The following ANK3 variants were observed in gnomAD, a reference collection of about 807,000 sequenced individuals.
The protein encoded by ANK3 is ankyrin-3.
ANK3 carries 57 observed loss-of-function variants against 370.9 expected under a neutral mutation model. The observed-to-expected ratio is 0.15, with a 90% CI of 0.12 to 0.19. The LOEUF (loss-of-function observed/expected upper bound fraction) is 0.19. Among genes scored for constraint, ANK3 ranks in the 10% least tolerant of loss-of-function variants. ANK3 has a pLI of 1.00. For missense variants in ANK3, 4,439 were observed against 5,302.1 expected, an observed-to-expected ratio of 0.84 and a Z score of 5.06; for synonymous variants, 1,929 against 1,946.3, an observed-to-expected ratio of 0.99 and a Z score of 0.23.
chr10:60,300,307 G>T, intron 1 of ANK3: 1 of 1,252,344 alleles, frequency 8.0e-7, no homozygotes, highest in Non-Finnish European at 1.0e-6. Context: ...TTTAGGAGCT[G>T]TAAATGCTTA....
chr10:60,090,815 T>G (rs2088128063), intron 28 of ANK3, among the ~76,000 whole-genome samples: 1 of 152,196 alleles, frequency 6.6e-6, no homozygotes, highest in Admixed American at 6.5e-5. Context: ...TTACTGCAAG[T>G]GGGTGTGAAT....
intron 2 of ANK3, among the ~76,000 whole-genome samples, chr10:60,568,078 CA>C (rs2077505542): frequency 6.6e-6 from 1 of 152,150 alleles, no homozygotes; most frequent in Non-Finnish European, 1.5e-5. Context: ...GAAATGACAA[CA>C]AAATATTTAG....
At chr10:60,438,565 A>C (rs2064215421) in intron 2 of ANK3, among the ~76,000 whole-genome samples, 1 of 152,214 alleles carries the variant, frequency 6.6e-6, no homozygotes, top group South Asian at 2.1e-4. Context: ...TGAATGCCTA[A>C]GCCATTTCCA....
rs571038699 is a variant in ANK3 at position 60,071,876 on chromosome 10, T to G, written c.9005A>C (p.Glu3002Ala). 1 of 1,614,132 alleles carries G rather than the reference T, an allele frequency of 6.2e-7. No individual in the cohort carries two copies. The highest frequency in any genetic ancestry group is 1.1e-5 in the South Asian group (1 of 91,086). The change falls in exon 37 of 44, where the codon GAG becomes GCG. Residue 3002 changes from glutamate (E) to alanine (A), a missense_variant. Glu to Ala is a moderately radical substitution (Grantham distance 107). Transcript: ENST00000280772. ...ATTAAAGTGCTGTGTCTCAACTGTC[T>G]CTTTACTCATGCTTGACTGGGACAA... ...QKLSQSSMSK[E>A]TVETQHFNSI...
At chr10:60,105,701 A>G (rs1282527494) in intron 28 of ANK3, among the ~76,000 whole-genome samples, 1 of 152,218 alleles carries the variant, frequency 6.6e-6, no homozygotes, top group East Asian at 1.9e-4. Context: ...AAATACTTAT[A>G]CTTCTATATT....
chr10:60,330,265 A>C (rs548888686), intron 1 of ANK3, among the ~76,000 whole-genome samples: 9 of 152,160 alleles, frequency 5.9e-5, no homozygotes, highest in African/African-American at 9.7e-5. Flanking sequence ...GCAATGCAAA[A>C]GCCAAAATAG....
intron 2 of ANK3, among the ~76,000 whole-genome samples, chr10:60,448,595 T>C (rs1282753192): frequency 6.6e-6 from 1 of 152,260 alleles, no homozygotes. Context: ...TAGGATAGAA[T>C]GGCTAAGTCT....
At chr10:60,624,985 T>C (rs2078388488) in intron 1 of ANK3, among the ~76,000 whole-genome samples, 1 of 151,990 alleles carries the variant, frequency 6.6e-6, no homozygotes, top group Admixed American at 6.6e-5. Flanking sequence ...CACACACCAA[T>C]ACCCCGCTTG....
chr10:60,469,117 A>G (rs1419211542), intron 2 of ANK3, among the ~76,000 whole-genome samples: 1 of 116,386 alleles, frequency 8.6e-6, no homozygotes, highest in African/African-American at 3.4e-5. Context: ...ATATATATAT[A>G]TACCACTTTT....
intron 42 of ANK3, among the ~76,000 whole-genome samples, chr10:60,048,087 G>A (rs950368868): frequency 6.6e-6 from 1 of 152,174 alleles, no homozygotes; most frequent in Non-Finnish European, 1.5e-5. Context: ...GGAATTCTAA[G>A]AAGACAGATT....
intron 25 of ANK3, among the ~76,000 whole-genome samples, chr10:60,128,457 G>A (rs540960000): frequency 2.0e-5 from 3 of 151,112 alleles, no homozygotes; most frequent in Non-Finnish European, 4.4e-5. Flanking sequence ...TCAGCTCACC[G>A]CAACCTCTGC....
Position 60,491,276 on chromosome 10 carries a change from G to A in ANK3, c.96+123910C>T, listed in dbSNP as rs184064992. Among the ~76,000 whole-genome samples the A allele has an allele frequency of 2.4e-3, 368 of 152,280 alleles. 1 individual carries two copies. Among genetic ancestry groups the A allele is most frequent in the African/African-American group, 8.1e-3 (335 of 41,560 alleles). The stretch of plus-strand genomic sequence containing the variant: ...TTTTGTAGAATGACTTGTGTTTGAT[G>A]AAGAAACATATAAAGTGAGGGATCG... On this transcript the variant is annotated intron_variant, in intron 2 of 43. Transcript: ENST00000373827.
chr10:60,097,463 G>A (rs2090365375), intron 28 of ANK3, among the ~76,000 whole-genome samples: 1 of 152,180 alleles, frequency 6.6e-6, no homozygotes. Flanking sequence ...ATAGATAAAT[G>A]ATAAATTTCT....
intron 2 of ANK3, among the ~76,000 whole-genome samples, chr10:60,473,717 G>A (rs1595103014): frequency 2.0e-5 from 3 of 152,102 alleles, no homozygotes; most frequent in Admixed American, 1.3e-4. Context: ...GGCAAATGTG[G>A]ACATCTTCCT....
chr10:60,256,439 C>T lies in ANK3; in HGVS notation c.798+5420G>A, dbSNP rs541320940. 4.6e-5 allele frequency among the ~76,000 whole-genome samples: 7 copies of T among 152,314 alleles called. No individual in the cohort carries two copies. In the South Asian group the frequency reaches 1.2e-3, roughly 27 times the overall value. On this transcript the variant is annotated intron_variant, in intron 7 of 43. Coordinates refer to ENST00000280772, the MANE Select transcript of ANK3 (RefSeq NM_020987.5). ...GGATACTGTTTTGCTCATGCATGTG[C>T]TAAGCCATGTTGGCCTCAGGTTTGG...
At chr10:60,438,071 C>A (rs2064202680) in intron 2 of ANK3, among the ~76,000 whole-genome samples, 4 of 152,086 alleles carry the variant, frequency 2.6e-5, no homozygotes, top group Admixed American at 2.6e-4. Flanking sequence ...CTTATCTTAG[C>A]CAGAAATTCA....
chr10:60,530,439 C>A (rs2076576926), intron 2 of ANK3, among the ~76,000 whole-genome samples: 1 of 128,178 alleles, frequency 7.8e-6, no homozygotes, highest in South Asian at 3.1e-4. Context: ...ATCCTCAATT[C>A]TGTTAATCTT....
chr10:60,295,489 TTGG>T (rs1431143119), intron 1 of ANK3, among the ~76,000 whole-genome samples: 5 of 152,188 alleles, frequency 3.3e-5, no homozygotes, highest in African/African-American at 1.2e-4. Flanking sequence ...TCTAGTTTGT[TTGG>T]CTACAATTAT....
chr10:60,226,264 C>T (rs1183696117), intron 8 of ANK3, among the ~76,000 whole-genome samples: 4 of 101,362 alleles, frequency 3.9e-5, no homozygotes, highest in East Asian at 6.1e-4. Flanking sequence ...ATATGTAATA[C>T]TATATATACT....
Sources: gnomAD v4.1 joint callset for allele counts (sites outside exome capture counted in the v4.1 genomes callset) on GRCh38, gnomAD v4.1.1 for gene constraint, MANE v1.5 for transcripts, NCBI Gene and HGNC (gene_info 2026-07-23, HGNC 2026-07-21) for gene names.